Variants in CPXM2 observed in about 807,000 individuals in gnomAD.
The protein encoded by CPXM2 is carboxypeptidase X, M14 family member 2.
In CPXM2, 66 loss-of-function variants were observed where a neutral mutation model predicts 86.1. That is an observed-to-expected ratio of 0.77 (90% CI 0.63 to 0.94). CPXM2 has a LOEUF of 0.94. Ranked by LOEUF, CPXM2 falls within the 40% of genes least tolerant of loss-of-function variation. CPXM2 has a pLI of 0.00. For missense variants in CPXM2, 948 were observed against 1,026.3 expected, an observed-to-expected ratio of 0.92 and a Z score of 1.04; for synonymous variants, 388 against 400.2, an observed-to-expected ratio of 0.97 and a Z score of 0.36.
At chr10:123,843,010 G>A (rs563438419) in intron 3 of CPXM2, among the ~76,000 whole-genome samples, 1 of 152,282 alleles carries the variant, frequency 6.6e-6, no homozygotes, top group South Asian at 2.1e-4. Flanking sequence ...CCAAGACCAG[G>A]GGATACTTGA....
At chr10:123,883,758 GGA>G (rs940149377) in intron 1 of CPXM2, among the ~76,000 whole-genome samples, 5 of 152,204 alleles carry the variant, frequency 3.3e-5, no homozygotes, top group African/African-American at 1.2e-4. Context: ...GGACAGAGCT[GGA>G]GAATGATTCC....
chr10:123,890,431 CCAAA>C (rs906780762), intron 1 of CPXM2, among the ~76,000 whole-genome samples: 11 of 152,342 alleles, frequency 7.2e-5, no homozygotes, highest in African/African-American at 2.4e-4. Context: ...AGCAGTTTAA[CCAAA>C]CAAAGACGAT....
Position 123,780,097 on chromosome 10 carries a change from GC to G in CPXM2, c.978+69del. ...AATTTCTGGAAAAAAAAATTTAAGT[GC>G]TTATGGACACATAATATGTTGCTTT... On this transcript the variant is annotated intron_variant, in intron 7 of 13. Coordinates refer to ENST00000241305, the MANE Select transcript of CPXM2 (RefSeq NM_198148.3). 3.1e-6 allele frequency: 3 copies of G among 980,948 alleles called. No homozygotes were observed. In the South Asian group the frequency reaches 3.9e-5, roughly 13 times the overall value. 60.8% of individuals were successfully genotyped at this position (980,948 alleles called of 1,614,324 possible). A position where few individuals can be genotyped will look rare whatever the true frequency, so the allele number is the denominator to read the frequency against.
intron 7 of CPXM2, 128 bp from the exon 8 acceptor site, chr10:123,771,167 C>T (rs1311544859): frequency 2.6e-6 from 2 of 777,502 alleles, no homozygotes; most frequent in Non-Finnish European, 2.2e-6. Flanking sequence ...ATTCTGCACA[C>T]CCCAGCTGCT....
At chr10:123,848,050 G>C (rs1042249763) in intron 3 of CPXM2, among the ~76,000 whole-genome samples, 5 of 152,168 alleles carry the variant, frequency 3.3e-5, no homozygotes, top group African/African-American at 9.7e-5. Context: ...AGAGAAACAG[G>C]ATAAAGTGAT....
chr10:123,921,946 C>T (rs551466724), intron 2 of CPXM2, among the ~76,000 whole-genome samples: 28 of 152,262 alleles, frequency 1.8e-4, no homozygotes, highest in African/African-American at 6.0e-4. Flanking sequence ...CTTTCTTTTG[C>T]TTAGCTCTTC....
chr10:123,919,832 A>G (rs927918633), intron 2 of CPXM2, among the ~76,000 whole-genome samples: 1 of 152,208 alleles, frequency 6.6e-6, no homozygotes, highest in East Asian at 1.9e-4. Context: ...GGCTTCAGGA[A>G]ACTTCCACTC....
At chr10:123,822,349 C>T (rs1285552471) in intron 4 of CPXM2, among the ~76,000 whole-genome samples, 1 of 152,166 alleles carries the variant, frequency 6.6e-6, no homozygotes, top group Non-Finnish European at 1.5e-5. Context: ...TTGTCAATAC[C>T]AGGTAGAGGG....
At chr10:123,764,876 TAA>T (rs35845762) in intron 10 of CPXM2, among the ~76,000 whole-genome samples, 10,091 of 152,224 alleles carry the variant, frequency 0.066, 492 homozygotes, top group East Asian at 0.27. Context: ...TGTAAGAACT[TAA>T]AGTTATAAAT....
chr10:123,858,750 C>T (rs991520700), intron 3 of CPXM2, among the ~76,000 whole-genome samples: 2 of 152,246 alleles, frequency 1.3e-5, no homozygotes, highest in African/African-American at 4.8e-5. Context: ...ACTGAAGCAT[C>T]TTGAAGGCAG....
chr10:123,915,419 G>A (rs990160499), intron 2 of CPXM2, among the ~76,000 whole-genome samples: 42 of 152,296 alleles, frequency 2.8e-4, no homozygotes, highest in African/African-American at 9.9e-4. Context: ...TTAACCAGGC[G>A]TGATGGCAGG....
chr10:123,935,594 G>A (rs923057619), intron 2 of CPXM2, among the ~76,000 whole-genome samples: 5 of 152,198 alleles, frequency 3.3e-5, no homozygotes, highest in African/African-American at 1.2e-4. Flanking sequence ...CATAGTGGTT[G>A]GTAAGTGCCC....
chr10:123,889,008 C>T (rs1476824803), intron 1 of CPXM2, among the ~76,000 whole-genome samples: 3 of 152,238 alleles, frequency 2.0e-5, no homozygotes, highest in African/African-American at 7.2e-5. Flanking sequence ...TGGCCTGTCT[C>T]TACCTGCAAG....
At chr10:123,762,303 A>G (rs1252887706) in intron 10 of CPXM2, 134 bp from the exon 11 acceptor site, 3 of 1,263,376 alleles carry the variant, frequency 2.4e-6, no homozygotes, top group South Asian at 2.6e-5. Context: ...TTCAAAACCA[A>G]TTCTGGGAAA....
chr10:123,920,902 T>C (rs1199678111), intron 2 of CPXM2, among the ~76,000 whole-genome samples: 1 of 152,160 alleles, frequency 6.6e-6, no homozygotes, highest in Non-Finnish European at 1.5e-5. Context: ...CACCATGGGA[T>C]CATGCAGTAA....
intron 2 of CPXM2, 66 bp downstream of exon 2, chr10:123,880,145 T>TGGGGGCC: frequency 9.8e-6 from 4 of 407,578 alleles, no homozygotes; most frequent in Non-Finnish European, 1.9e-5. Flanking sequence ...CAGGGGCCTG[T>TGGGGGCC]ACCCACCCAC....
chr10:123,791,605 G>A (rs1336143385), intron 6 of CPXM2, among the ~76,000 whole-genome samples: 1 of 152,130 alleles, frequency 6.6e-6, no homozygotes, highest in Non-Finnish European at 1.5e-5. Flanking sequence ...CTGTGTGTCT[G>A]TTTTCTCTTC....
intron 12 of CPXM2, 76 bp downstream of exon 12, chr10:123,757,137 C>T (rs1301515634): frequency 1.5e-6 from 2 of 1,374,254 alleles, no homozygotes; most frequent in Admixed American, 1.7e-5. Flanking sequence ...CTAATTCCAT[C>T]CCATACTTTC....
At chr10:123,749,245 G>T (rs960275354) in intron 13 of CPXM2, among the ~76,000 whole-genome samples, 32 of 152,264 alleles carry the variant, frequency 2.1e-4, no homozygotes, top group African/African-American at 7.7e-4. Context: ...GGGAGCACCT[G>T]ACTCAATGGC....
Sources: gnomAD v4.1 joint callset for allele counts (sites outside exome capture counted in the v4.1 genomes callset) on GRCh38, gnomAD v4.1.1 for gene constraint, MANE v1.5 for transcripts, NCBI Gene and HGNC (gene_info 2026-07-23, HGNC 2026-07-21) for gene names.